Variants in FHIP1B observed in about 807,000 individuals in gnomAD.
The protein encoded by FHIP1B is FHF complex subunit HOOK interacting protein 1B, also known as FHF complex subunit HOOK-interacting protein 1B.
Under a neutral mutation model 82.2 loss-of-function variants are expected in FHIP1B, and 28 were observed. The observed-to-expected ratio is 0.34, with a 90% CI of 0.25 to 0.47. FHIP1B has a LOEUF of 0.47. Ranked by LOEUF, FHIP1B falls within the 20% of genes least tolerant of loss-of-function variation. The probability of loss-of-function intolerance (pLI) is 1.00; values close to 1 mark genes in which losing one functional copy is unlikely to be tolerated. For synonymous variants in FHIP1B, 585 were observed against 516.1 expected (o/e 1.13, Z -1.81); for missense variants, 1,110 against 1,262.6 (o/e 0.88, Z 1.83).
chr11:6,228,324 T>C (rs1336524279), intron 1 of FHIP1B, among the ~76,000 whole-genome samples: 1 of 151,778 alleles, frequency 6.6e-6, no homozygotes, highest in Non-Finnish European at 1.5e-5. Context: ...CACTCTAGCC[T>C]GGGCAACAAG....
chr11:6,217,132 A>G (rs1331901904), intron 9 of FHIP1B: 1 of 703,594 alleles, frequency 1.4e-6, no homozygotes, highest in South Asian at 1.5e-5. Context: ...CATAGGACAT[A>G]CATACAAGGC....
At chr11:6,220,323 A>C (rs1847371627) in intron 6 of FHIP1B, among the ~76,000 whole-genome samples, 1 of 152,154 alleles carries the variant, frequency 6.6e-6, no homozygotes. Flanking sequence ...GAAATAAGGA[A>C]ATGGATCCTG....
Position 6,218,966 on chromosome 11 carries a change from G to T in FHIP1B, c.1271+5C>A, listed in dbSNP as rs1847330744. 1 of 1,613,858 alleles carries T rather than the reference G, an allele frequency of 6.2e-7. No individual in the cohort carries two copies. Among genetic ancestry groups the T allele is most frequent in the East Asian group, 2.2e-5 (1 of 44,886 alleles). ...GCCATCCCTCAGCCCTGCCCCAACA[G>T]ATACCTGAGAACCAGCTGCAGCAGG... On this transcript the variant is annotated splice_donor_5th_base_variant and intron_variant, in intron 7 of 11. Transcript: ENST00000449352.
Position 6,211,510 on chromosome 11 carries a change from G to T in FHIP1B, c.2915C>A (p.Pro972His). 6.3e-7 allele frequency: 1 copy of T among 1,590,660 alleles called. No homozygotes were observed. Among genetic ancestry groups the T allele is most frequent in the African/African-American group, 1.4e-5 (1 of 73,932 alleles). Residue 972 changes from proline to histidine, a missense_variant, in exon 12 of 12, where the codon CCT (proline) becomes CAT (histidine). Physicochemically the swap from Pro to His is moderately conservative, Grantham distance 77. This residue lies in a region of FHIP1B where 29 missense variants were observed against 21.5 expected (regional missense o/e 1.35). Coordinates refer to ENST00000449352, the MANE Select transcript of FHIP1B (RefSeq NM_001098794.2). ...PLISGCGPLN[P>H] ...CTGATTGTCCATGGAAGAAAGTTAAGGATTGAGGGGCCCACAGCCTGAGAT... is the reference window on the plus strand; with the variant it reads ...CTGATTGTCCATGGAAGAAAGTTAATGATTGAGGGGCCCACAGCCTGAGAT...
At chr11:6,213,507 G>A (rs1847133035) in intron 11 of FHIP1B, among the ~76,000 whole-genome samples, 1 of 152,052 alleles carries the variant, frequency 6.6e-6, no homozygotes. Flanking sequence ...CTGGTATTAC[G>A]TTCCTCTAGT....
At chr11:6,226,731 C>T (rs566026844) in intron 1 of FHIP1B, among the ~76,000 whole-genome samples, 42 of 152,228 alleles carry the variant, frequency 2.8e-4, no homozygotes, top group African/African-American at 9.4e-4. Context: ...ATGTGGGTGA[C>T]GGTTATAAGT....
chr11:6,230,978 T>C (rs1191302070), intron 1 of FHIP1B, among the ~76,000 whole-genome samples: 2 of 152,218 alleles, frequency 1.3e-5, no homozygotes, highest in South Asian at 2.1e-4. Context: ...AATTTGGATG[T>C]TGTCCTACAG....
At position 6,218,622 on chromosome 11, in the gene FHIP1B, T is replaced by C; in HGVS notation, c.1413A>G (p.Pro471=). 6.2e-7 allele frequency: 1 copy of C among 1,614,152 alleles called. No individual in the cohort carries two copies. ...CRHHAPSPPR[P]EHASWARGPG... Reference sequence around the variant, plus strand: ...CACCTCGTGCCCATGAGGCATGCTCTGGACGAGGTGGGCTGGGGGCGTGGT... The same window carrying C: ...CACCTCGTGCCCATGAGGCATGCTCCGGACGAGGTGGGCTGGGGGCGTGGT... The change falls in exon 8 of 12, where the codon CCA becomes CCG. Residue 471 remains proline, a synonymous_variant. Transcript: ENST00000449352.
Position 6,217,068 on chromosome 11 carries a change from C to T in FHIP1B, c.2215+303G>A, listed in dbSNP as rs762632502. On this transcript the variant is annotated intron_variant, in intron 9 of 11. Coordinates refer to ENST00000449352, the MANE Select transcript of FHIP1B (RefSeq NM_001098794.2). ...CCAGGAAACATCAAACACAGAATAT[C>T]CTAATTACAAATCGCAGGAAATGGC... 3 of 702,430 alleles carry T rather than the reference C, an allele frequency of 4.3e-6. No homozygotes were observed. In the South Asian group the frequency reaches 4.4e-5, roughly 10 times the overall value. 43.5% of individuals were successfully genotyped at this position (702,430 alleles called of 1,614,324 possible).
At chr11:6,231,200 G>A (rs144446663) in intron 1 of FHIP1B, among the ~76,000 whole-genome samples, 82 of 152,286 alleles carry the variant, frequency 5.4e-4, no homozygotes, top group African/African-American at 1.4e-3. Flanking sequence ...AACACAGAGC[G>A]AAATGTATTA....
chr11:6,220,643 A>G (rs325620), intron 6 of FHIP1B, among the ~76,000 whole-genome samples: 6,094 of 152,294 alleles, frequency 0.04, 369 homozygotes, highest in African/African-American at 0.13. Flanking sequence ...AAATTAGAAG[A>G]GATCTGTTCC....
At chr11:6,233,557 A>G (rs914424781) in intron 1 of FHIP1B, among the ~76,000 whole-genome samples, 18 of 152,228 alleles carry the variant, frequency 1.2e-4, no homozygotes, top group African/African-American at 4.3e-4. Flanking sequence ...ACACATGTCA[A>G]AACTCATCAA....
intron 1 of FHIP1B, 148 bp downstream of exon 1, chr11:6,234,396 A>AC (rs1258625569): frequency 1.3e-5 from 2 of 151,662 alleles, no homozygotes; most frequent in Non-Finnish European, 2.9e-5. Context: ...GTAAGCTCTC[A>AC]CCCTCCTTCC....
intron 5 of FHIP1B, 98 bp from the exon 6 acceptor site, chr11:6,222,707 CA>C: frequency 6.4e-7 from 1 of 1,557,814 alleles, no homozygotes; most frequent in Non-Finnish European, 8.8e-7. Flanking sequence ...GCAGACAGGG[CA>C]AAAGGGAGGA....
chr11:6,233,462 TA>T (rs1847754365), intron 1 of FHIP1B, among the ~76,000 whole-genome samples: 1 of 152,192 alleles, frequency 6.6e-6, no homozygotes, highest in Non-Finnish European at 1.5e-5. Context: ...TGAACCCAAC[TA>T]CAGGGTGTGG....
Position 6,224,006 on chromosome 11 carries a change from C to T in FHIP1B, c.381G>A (p.Arg127=), listed in dbSNP as rs1847491933. The stretch of plus-strand genomic sequence containing the variant: ...TTTCAAATAGTTTCAGTTGCTCAGC[C>T]CGCCGTTCCTCGACCCCATCCCCAA... ...DELGDGVEER[R]AEQLKLFEML... Residue 127 remains arginine (R), a synonymous_variant, in exon 3 of 12, where the codon CGG becomes CGA. Coordinates refer to ENST00000449352, the MANE Select transcript of FHIP1B (RefSeq NM_001098794.2). The T allele has an allele frequency of 1.2e-6, 2 of 1,614,054 alleles. No homozygotes were observed.
rs372485434 is a variant in FHIP1B, at chr11:6,214,726, C to T, written c.2394+7G>A. 329 of 1,564,738 alleles carry T rather than the reference C, an allele frequency of 2.1e-4. 2 individuals are homozygous for T. The highest frequency in any genetic ancestry group is 7.6e-4 in the South Asian group (64 of 83,682). Reference sequence around the variant, plus strand: ...TGGACGCACCCATGCATGCATGCATCGCACACCTGCAGCAGGGACTTGACA... The same window carrying T: ...TGGACGCACCCATGCATGCATGCATTGCACACCTGCAGCAGGGACTTGACA... On this transcript the variant is annotated splice_region_variant and intron_variant, in intron 10 of 11. Transcript: ENST00000449352.
At position 6,218,158 on chromosome 11, in the gene FHIP1B, G is replaced by A; in HGVS notation, c.1436-8C>T. On this transcript the variant is annotated splice_region_variant and splice_polypyrimidine_tract_variant and intron_variant, in intron 8 of 11. Transcript: ENST00000449352. ...CACTTGGGCTTCCAGGACCTGCAAA[G>A]GGAAAAAATATAAGAGAAATCAAGG... 1 of 1,605,068 alleles carries A rather than the reference G, an allele frequency of 6.2e-7. No individual in the cohort carries two copies. The highest frequency in any genetic ancestry group is 8.5e-7 in the Non-Finnish European group (1 of 1,175,908).
chr11:6,222,918 A>C, intron 4 of FHIP1B, 21 bp from the exon 5 acceptor site: 1 of 1,612,058 alleles, frequency 6.2e-7, no homozygotes, highest in Non-Finnish European at 8.5e-7. Context: ...GCCAGAGAGA[A>C]GGGGGAGGGT....
Sources: gnomAD v4.1 joint callset for allele counts (sites outside exome capture counted in the v4.1 genomes callset) on GRCh38, gnomAD v4.1.1 for gene constraint, gnomAD v4.1.1 regional missense constraint, MANE v1.5 for transcripts, NCBI Gene and HGNC (gene_info 2026-07-23, HGNC 2026-07-21) for gene names.